Variants in NAALADL1 observed in about 807,000 individuals in gnomAD.
The protein encoded by NAALADL1 is N-acetylated alpha-linked acidic dipeptidase like 1.
NAALADL1 carries 77 observed loss-of-function variants against 82.8 expected under a neutral mutation model. That is an observed-to-expected ratio of 0.93 (90% CI 0.77 to 1.12). The LOEUF is 1.12. Among genes scored for constraint, NAALADL1 ranks in the 50% most tolerant of loss-of-function variants. The pLI is 0.00. For missense variants in NAALADL1, 956 were observed against 964.0 expected, an observed-to-expected ratio of 0.99 and a Z score of 0.11; for synonymous variants, 358 against 399.2, an observed-to-expected ratio of 0.90 and a Z score of 1.23.
upstream of NAALADL1, among the ~76,000 whole-genome samples, chr11:65,059,498 C>T (rs561832383): frequency 9.9e-5 from 15 of 152,272 alleles, no homozygotes; most frequent in East Asian, 2.5e-3. Flanking sequence ...GGGAGCCCAG[C>T]GATACGAGGA....
Position 65,046,063 on chromosome 11 carries a change from C to A in NAALADL1, c.1907G>T (p.Gly636Val). Reference protein sequence around the residue: ...EKFEAEAAALGQRISTLQKGS... With the variant: ...EKFEAEAAALVQRISTLQKGS... ...CTTCTGCAGTGTTGATATGCGTTGG[C>A]CCAAGGCTGCAGCTTCTGCCTCAAA... Residue 636 changes from glycine (G) to valine (V), a missense_variant, in exon 16 of 18, where the codon GGC (glycine) becomes GTC (valine). Transcript: ENST00000358658. The A allele has an allele frequency of 6.2e-7, 1 of 1,614,052 alleles. No individual in the cohort carries two copies. Among genetic ancestry groups the A allele is most frequent in the East Asian group, 2.2e-5 (1 of 44,896 alleles).
rs781309340 is a variant in NAALADL1, at chr11:65,058,134, G to A, written c.302C>T (p.Thr101Met). Reference protein sequence around the residue: ...ESGLDSAEASTYEVLLSFPSQ... With the variant: ...ESGLDSAEASMYEVLLSFPSQ... ...AGGGAAGGACAGCAGCACTTCGTAC[G>A]TGGAGGCCTCGGCCGAGTCCAGGCC... The change falls in exon 2 of 18, where the codon ACG becomes ATG. Residue 101 changes from threonine to methionine, a missense_variant. Coordinates refer to ENST00000358658, the MANE Select transcript of NAALADL1 (RefSeq NM_005468.3). 1.7e-5 allele frequency: 27 copies of A among 1,613,736 alleles called. No homozygotes were observed. Among genetic ancestry groups the A allele is most frequent in the Admixed American group, 6.7e-5 (4 of 59,996 alleles).
rs139535152 is a variant in NAALADL1, at chr11:65,048,171, G to A, written c.1329C>T (p.Asn443=). 5.3e-5 allele frequency: 86 copies of A among 1,613,806 alleles called. No homozygotes were observed. In the African/African-American group the frequency reaches 9.3e-4, roughly 18 times the overall value. ...KLQERTVAYI[N]VDISVFANAT... ...ACATACCAAACACCGAGATGTCCAC[G>A]TTGATGTAGGCCACCGTGCGCTCCT... The change falls in exon 10 of 18, where the codon AAC becomes AAT. Residue 443 remains asparagine, a synonymous_variant. Transcript: ENST00000358658.
At position 65,057,445 on chromosome 11, in the gene NAALADL1, G is replaced by C. The variant is rs1417542907; in HGVS notation, c.529C>G (p.Leu177Val). 3 of 1,614,196 alleles carry C rather than the reference G, an allele frequency of 1.9e-6. No individual in the cohort carries two copies. The highest frequency in any genetic ancestry group is 1.6e-4 in the Middle Eastern group (1 of 6,062). ...NRGAEEDFKE[L>V]QTQGIKLEGT... ...TCAAGTTTGATGCCCTGAGTCTGTAGCTCCTTAAAGTCTTCTTCCGCGCCC... is the reference window on the plus strand; with the variant it reads ...TCAAGTTTGATGCCCTGAGTCTGTACCTCCTTAAAGTCTTCTTCCGCGCCC... Residue 177 changes from leucine to valine, a missense_variant, in exon 4 of 18, where the codon CTA becomes GTA. Coordinates refer to ENST00000358658, the MANE Select transcript of NAALADL1 (RefSeq NM_005468.3).
intron 13 of NAALADL1, 108 bp downstream of exon 13, chr11:65,047,367 A>G (rs1393585248): frequency 1.5e-5 from 13 of 875,342 alleles, no homozygotes; most frequent in Non-Finnish European, 1.9e-5. Context: ...TGGCAGAGGT[A>G]GCAATGAGTA....
rs765335487 is a variant in NAALADL1, at chr11:65,054,717, C to T, written c.625G>A (p.Gly209Arg). 1.5e-5 allele frequency: 24 copies of T among 1,613,644 alleles called. No individual in the cohort carries two copies. Among genetic ancestry groups the T allele is most frequent in the Admixed American group, 1.0e-4 (6 of 59,990 alleles). ...GTGTACACCAGCACCCCAGCTACCC[C>T]GTGCTTGGCAGCGTTCACAGCCTGC... is the stretch of plus-strand genomic sequence containing the variant. Reference protein sequence around the residue: ...GAKAVNAAKHGVAGVLVYTDP... With the variant: ...GAKAVNAAKHRVAGVLVYTDP... Residue 209 changes from glycine to arginine, a missense_variant, in exon 5 of 18, where the codon GGG becomes AGG. Gly to Arg is a moderately radical substitution (Grantham distance 125, BLOSUM62 -2). Transcript: ENST00000358658. This position sits in a 1 kb window ranked among gnomAD's most constrained non-coding sequence, Gnocchi z 4.3.
chr11:65,057,361 T>C lies in NAALADL1; in HGVS notation c.603+10A>G. 1 of 1,600,728 alleles carries C rather than the reference T, an allele frequency of 6.2e-7. No individual in the cohort carries two copies. The highest frequency in any genetic ancestry group is 8.5e-7 in the Non-Finnish European group (1 of 1,173,848). On this transcript the variant is annotated intron_variant, in intron 4 of 17. Transcript: ENST00000358658. ...ACCGAGGCCTCCTGCACTGGGGGAC[T>C]GCCACTCACCTTGGCCCCACGCCCT...
Position 65,054,189 on chromosome 11 carries a change from A to AGGGGAGAGGCGAGTTG in NAALADL1, c.992+45_992+60dup. On this transcript the variant is annotated intron_variant, in intron 6 of 17. Transcript: ENST00000358658. The surrounding 1 kb of genome is among the most constrained non-coding windows in gnomAD (Gnocchi z 4.3). ...AAAGAGGGAACATCATCACAAGGGA[A>AGGGGAGAGGCGAGTTG]GGGGAGAGGCGAGTTGGGGGAGAGG... The AGGGGAGAGGCGAGTTG allele has an allele frequency of 7.2e-7, 1 of 1,385,112 alleles. No individual in the cohort carries two copies. The highest frequency in any genetic ancestry group is 1.0e-6 in the Non-Finnish European group (1 of 984,376). 85.8% of individuals were successfully genotyped at this position (1,385,112 alleles called of 1,614,324 possible). A position where few individuals can be genotyped will look rare whatever the true frequency, so the allele number is the denominator to read the frequency against.
intron 3 of NAALADL1, 90 bp from the exon 4 acceptor site, chr11:65,057,583 A>C: frequency 2.0e-6 from 3 of 1,476,872 alleles, no homozygotes; most frequent in South Asian, 1.3e-5. Flanking sequence ...AGGAGGGAGA[A>C]TTTAGATTCT....
In NAALADL1 at chr11:65,045,127, C is replaced by G; in HGVS notation, c.*144G>C. On this transcript the variant is annotated 3_prime_UTR_variant, in exon 18 of 18. Transcript: ENST00000358658. ...TTGCATTAGGGCTTGCCACTCCCCT[C>G]AGGGACCTCAAGCTGTTGCCTGAGA... is the stretch of plus-strand genomic sequence containing the variant. The G allele has an allele frequency of 1.1e-6, 1 of 919,824 alleles. No individual in the cohort carries two copies. Among genetic ancestry groups the G allele is most frequent in the Admixed American group, 2.9e-5 (1 of 34,638 alleles). The allele number at this position is 919,824 out of a possible 1,614,324, so 57.0% of individuals were successfully genotyped here.
rs377372068 is a variant in NAALADL1, at chr11:65,046,336, G to A, written c.1708C>T (p.Arg570Trp). ...PGFSSHQAVA[R>W]TAGSVILRLS... ...CGGAGAATCACACTCCCCGCTGTCC[G>A]GGCCACAGCCTGATGGCTGCTGAAG... Residue 570 changes from arginine (R) to tryptophan (W), a missense_variant, in exon 15 of 18, where the codon CGG (arginine) becomes TGG (tryptophan). Physicochemically the swap from Arg to Trp is moderately radical, Grantham distance 101 (BLOSUM62 -3). Coordinates refer to ENST00000358658, the MANE Select transcript of NAALADL1 (RefSeq NM_005468.3). The A allele has an allele frequency of 4.7e-5, 76 of 1,614,194 alleles. 1 individual carries two copies. The Middle Eastern group carries it at 6.6e-4, about 14-fold the overall frequency.
intron 8 of NAALADL1, among the ~76,000 whole-genome samples, chr11:65,050,122 C>T (rs1423386561): frequency 6.6e-6 from 1 of 151,690 alleles, no homozygotes; most frequent in Non-Finnish European, 1.5e-5. Flanking sequence ...GTGATCCACC[C>T]ACCCCGGCCT....
In NAALADL1 at chr11:65,058,545, G is replaced by A. The variant is rs1257541947; in HGVS notation, c.-24C>T. 1 of 1,557,016 alleles carries A rather than the reference G, an allele frequency of 6.4e-7. No homozygotes were observed. The highest frequency in any genetic ancestry group is 1.9e-5 in the Admixed American group (1 of 52,184). ...ATCCTGCGGACTCTTGGCCAGCTGG[G>A]GTAGGACTGGTCTATAGGTTATTCC... is the stretch of plus-strand genomic sequence containing the variant. On this transcript the variant is annotated 5_prime_UTR_variant, in exon 1 of 18. Coordinates refer to ENST00000358658, the MANE Select transcript of NAALADL1 (RefSeq NM_005468.3).
chr11:65,049,017 C>T (rs768167322), intron 8 of NAALADL1, among the ~76,000 whole-genome samples: 5 of 152,006 alleles, frequency 3.3e-5, no homozygotes, highest in Non-Finnish European at 5.9e-5. Context: ...GAGCTGAGAT[C>T]GTGCCACTGC....
Position 65,053,632 on chromosome 11 carries a change from C to A in NAALADL1, c.993-56G>T. ...TTGGCCTTGCCCACTGCCCCCGACC[C>A]AGTGCAGGAGACACTGAGGCCCGGA... On this transcript the variant is annotated intron_variant, in intron 6 of 17. Transcript: ENST00000358658. The surrounding 1 kb of genome is among the most constrained non-coding windows in gnomAD (Gnocchi z 4.3). The A allele has an allele frequency of 6.8e-7, 1 of 1,472,638 alleles. No homozygotes were observed. Among genetic ancestry groups the A allele is most frequent in the Non-Finnish European group, 9.2e-7 (1 of 1,085,336 alleles). The allele number at this position is 1,472,638 out of a possible 1,614,324, so 91.2% of individuals were successfully genotyped here.
At chr11:65,048,244 C>T (rs765705656) in intron 9 of NAALADL1, 29 bp from the exon 10 acceptor site, 52 of 1,614,000 alleles carry the variant, frequency 3.2e-5, no homozygotes, top group Non-Finnish European at 4.2e-5. Context: ...ACGTCAGCCC[C>T]GCGCCGTTCT....
In NAALADL1 at chr11:65,045,272, C is replaced by G; in HGVS notation, c.2222G>C (p.Ter741SerextTer20). Reference sequence around the variant, plus strand: ...AGGGCTGAAGAAAGAGGGCTGGGGTCAGAGGTCAGCCACAGGCCTCAGGGT... The same window carrying G: ...AGGGCTGAAGAAAGAGGGCTGGGGTGAGAGGTCAGCCACAGGCCTCAGGGT... ...AATLRPVADL[*>S] The change falls in exon 18 of 18, where the codon TGA (stop) becomes TCA (serine). Residue 741 changes from the stop codon to serine (S), a stop_lost. Transcript: ENST00000358658. 6.2e-7 allele frequency: 1 copy of G among 1,604,142 alleles called. No individual in the cohort carries two copies. Among genetic ancestry groups the G allele is most frequent in the African/African-American group, 1.3e-5 (1 of 74,830 alleles).
intron 4 of NAALADL1, among the ~76,000 whole-genome samples, chr11:65,056,685 G>T (rs1947048188): frequency 6.7e-6 from 1 of 149,634 alleles, no homozygotes; most frequent in Non-Finnish European, 1.5e-5. Flanking sequence ...AGGATTACAA[G>T]CGTGAGCCAC....
intron 8 of NAALADL1, among the ~76,000 whole-genome samples, chr11:65,051,315 CTTTTTTTTTTTTTTTTTTTT>C (rs10535126): frequency 1.2e-3 from 72 of 59,570 alleles, no homozygotes; most frequent in African/African-American, 4.0e-3. Context: ...TTCTTTCTTT[CTTTTTTTTTTTTTTTTTTTT>C]TTTTTTTTTT....
Sources: allele counts gnomAD v4.1 joint callset (sites outside exome capture counted in the v4.1 genomes callset), GRCh38; gene constraint gnomAD v4.1.1; non-coding constraint Gnocchi (gnomAD v3.1); transcripts MANE v1.5; gene names NCBI Gene and HGNC (gene_info 2026-07-23, HGNC 2026-07-21).